CHST9: variants seen among roughly 807,000 people sequenced by gnomAD.
The protein encoded by CHST9 is GalNAc-4-sulfotransferase 2.
CHST9 carries 41 observed loss-of-function variants against 44.4 expected under a neutral mutation model. That is an observed-to-expected ratio of 0.92 (90% CI 0.72 to 1.20). CHST9 has a LOEUF of 1.20. Ranked by LOEUF, CHST9 falls within the 50% of genes most tolerant of loss-of-function variation. The pLI, the probability that CHST9 is intolerant of heterozygous loss-of-function variation, is 0.00. For synonymous variants in CHST9, 171 were observed against 178.4 expected (o/e 0.96, Z 0.33); for missense variants, 504 against 516.5 (o/e 0.98, Z 0.23).
chr18:27,018,594 C>T (rs2057182737), intron 4 of CHST9, among the ~76,000 whole-genome samples: 2 of 152,110 alleles, frequency 1.3e-5, no homozygotes, highest in Non-Finnish European at 2.9e-5. Flanking sequence ...CTTTCCCCTG[C>T]AGGATAAGGG....
In CHST9 at chr18:27,048,453, A is replaced by C; in HGVS notation, c.160+12T>G. The C allele has an allele frequency of 6.2e-7, 1 of 1,602,638 alleles. No homozygotes were observed. The highest frequency in any genetic ancestry group is 8.5e-7 in the Non-Finnish European group (1 of 1,174,486). On this transcript the variant is annotated intron_variant, in intron 3 of 5. Coordinates refer to ENST00000618847, the MANE Select transcript of CHST9 (RefSeq NM_031422.6). The stretch of plus-strand genomic sequence containing the variant: ...AGGAAATAAAGCTGGAGCCCATTGG[A>C]CAAAATCTTACCTGAAGTTACTTTT...
At chr18:26,962,072 C>CA (rs1314583099) in intron 4 of CHST9, among the ~76,000 whole-genome samples, 1 of 152,094 alleles carries the variant, frequency 6.6e-6, no homozygotes, top group Non-Finnish European at 1.5e-5. Context: ...TGAAGAGGGC[C>CA]AAAGTTGGCC....
At chr18:26,923,095 G>A (rs2145064429) in intron 5 of CHST9, among the ~76,000 whole-genome samples, 1 of 152,260 alleles carries the variant, frequency 6.6e-6, no homozygotes, top group African/African-American at 2.4e-5. Context: ...GAGATGGTGG[G>A]GTTTATAAGA....
intron 2 of CHST9, among the ~76,000 whole-genome samples, chr18:27,129,415 T>C (rs2058453556): frequency 6.6e-6 from 1 of 152,098 alleles, no homozygotes; most frequent in South Asian, 2.1e-4. Context: ...TGTTGCTCTG[T>C]CACCCAGGCT....
chr18:27,102,101 G>A (rs1395425007), intron 2 of CHST9, among the ~76,000 whole-genome samples: 3 of 152,162 alleles, frequency 2.0e-5, no homozygotes, highest in East Asian at 3.9e-4. Flanking sequence ...GTACACATGG[G>A]GCCATGAGTT....
At chr18:27,178,874 C>T (rs16943366) in intron 1 of CHST9, among the ~76,000 whole-genome samples, 6,671 of 151,980 alleles carry the variant, frequency 0.044, 204 homozygotes, top group East Asian at 0.13. Flanking sequence ...CTTCATAGCA[C>T]GTAGTTTTGT....
rs148012408 is a variant in CHST9, at chr18:27,079,806, G to A, written c.122-31303C>T. On this transcript the variant is annotated intron_variant, in intron 2 of 5. Transcript: ENST00000618847. ...CCGGCCTTCTGCAGCTTCTAGAGGC[G>A]GCCTATATTCTCTGGCTCACAACCC... Among the ~76,000 whole-genome samples the A allele has an allele frequency of 1.5e-4, 23 of 152,178 alleles. 1 individual carries two copies. The South Asian group carries it at 3.7e-3, about 25-fold the overall frequency.
At chr18:27,174,961 AG>A (rs1217505827) in intron 1 of CHST9, among the ~76,000 whole-genome samples, 1 of 152,048 alleles carries the variant, frequency 6.6e-6, no homozygotes, top group East Asian at 1.9e-4. Context: ...TGAAGCAAGA[AG>A]GCTTTAAATA....
At chr18:27,053,143 GAA>G (rs1568150830) in intron 2 of CHST9, among the ~76,000 whole-genome samples, 2,704 of 128,636 alleles carry the variant, frequency 0.021, 87 homozygotes, top group Non-Finnish European at 0.032. Context: ...AGAAGAAGAA[GAA>G]GAAGAAGAAG....
intron 2 of CHST9, among the ~76,000 whole-genome samples, chr18:27,103,899 A>C (rs2058196997): frequency 6.6e-6 from 1 of 152,200 alleles, no homozygotes; most frequent in Non-Finnish European, 1.5e-5. Context: ...ATTACCCTGA[A>C]GTCCCTGAAT....
chr18:26,952,080 AAGAC>A (rs1598588683), intron 4 of CHST9: 1 of 378,206 alleles, frequency 2.6e-6, no homozygotes, highest in Non-Finnish European at 5.1e-6. Context: ...TCCACTGAAA[AAGAC>A]AGAGCAATAC....
At chr18:27,173,717 GTTAA>G (rs915089270) in intron 1 of CHST9, among the ~76,000 whole-genome samples, 1 of 151,844 alleles carries the variant, frequency 6.6e-6, no homozygotes, top group African/African-American at 2.4e-5. Flanking sequence ...AAGACACTCT[GTTAA>G]TTAAACAACT....
rs550145102 is a variant in CHST9, at chr18:26,964,684, C to G, written c.203-20318G>C. ...ACCTCCAGCAGAGCAGTCTTGTCCA[C>G]TGTGTGTGCTACACAAATACCACCT... On this transcript the variant is annotated intron_variant, in intron 4 of 5. Transcript: ENST00000618847. 2.0e-5 allele frequency among the ~76,000 whole-genome samples: 3 copies of G among 152,348 alleles called. No homozygotes were observed. The East Asian group carries it at 5.8e-4, about 29-fold the overall frequency.
chr18:27,058,863 T>C (rs1342647335), intron 2 of CHST9, among the ~76,000 whole-genome samples: 2 of 152,218 alleles, frequency 1.3e-5, no homozygotes, highest in African/African-American at 4.8e-5. Context: ...TCATTAGGTT[T>C]TGTCATACTT....
chr18:27,019,854 T>C (rs997524331), intron 4 of CHST9, among the ~76,000 whole-genome samples: 2 of 152,092 alleles, frequency 1.3e-5, no homozygotes, highest in Non-Finnish European at 2.9e-5. Context: ...CTGTGAGATA[T>C]GTAAAGGATA....
intron 4 of CHST9, among the ~76,000 whole-genome samples, chr18:27,007,734 A>T (rs2057033622): frequency 6.6e-6 from 1 of 152,192 alleles, no homozygotes; most frequent in African/African-American, 2.4e-5. Flanking sequence ...GTGTCCTCTG[A>T]ATTTAACAGC....
At chr18:27,086,777 C>T (rs1003602800) in intron 2 of CHST9, among the ~76,000 whole-genome samples, 5 of 151,986 alleles carry the variant, frequency 3.3e-5, no homozygotes, top group Non-Finnish European at 7.4e-5. Flanking sequence ...ACTATATACA[C>T]TTTCAGAGAT....
At chr18:27,002,409 G>C (rs1341191886) in intron 4 of CHST9, among the ~76,000 whole-genome samples, 11 of 152,134 alleles carry the variant, frequency 7.2e-5, no homozygotes, top group African/African-American at 1.4e-4. Flanking sequence ...CTATGTCCTT[G>C]ACTTATGATG....
chr18:27,159,018 C>T (rs1239314647), intron 1 of CHST9, among the ~76,000 whole-genome samples: 4 of 152,216 alleles, frequency 2.6e-5, no homozygotes, highest in Admixed American at 6.5e-5. Flanking sequence ...AGCCCTTTGT[C>T]AGATGAGCAG....
Sources: allele counts gnomAD v4.1 joint callset (sites outside exome capture counted in the v4.1 genomes callset), GRCh38; gene constraint gnomAD v4.1.1; transcripts MANE v1.5; gene names NCBI Gene and HGNC (gene_info 2026-07-23, HGNC 2026-07-21).